The following CBLC variants were observed in gnomAD, a reference collection of about 807,000 sequenced individuals.
CBLC encodes the protein Cbl proto-oncogene C.
A neutral mutation model predicts 58.6 loss-of-function variants in CBLC; 46 were observed. That is an observed-to-expected ratio of 0.79 (90% CI 0.62 to 1.00). The LOEUF (loss-of-function observed/expected upper bound fraction) is 1.00, where lower values mean the gene tolerates loss of function less well. Ranked by LOEUF, CBLC falls within the 50% of genes least tolerant of loss-of-function variation. CBLC has a pLI of 0.00. For missense variants in CBLC, 655 were observed against 625.8 expected (o/e 1.05, Z -0.50); for synonymous variants, 271 against 264.2 (o/e 1.03, Z -0.25).
At chr19:44,785,181 T>C (rs1967866325) in intron 5 of CBLC, among the ~76,000 whole-genome samples, 1 of 151,310 alleles carries the variant, frequency 6.6e-6, no homozygotes, top group African/African-American at 2.4e-5. Context: ...TTCACCATGT[T>C]GGTCAGGCTG....
chr19:44,788,100 G>A (rs1035772484), intron 5 of CBLC, among the ~76,000 whole-genome samples: 11 of 151,512 alleles, frequency 7.3e-5, no homozygotes, highest in African/African-American at 2.7e-4. Context: ...CCTGGCCAGC[G>A]CTTCATGTTT....
At chr19:44,798,945 CTCTG>C in intron 9 of CBLC, among the ~76,000 whole-genome samples, 1 of 152,306 alleles carries the variant, frequency 6.6e-6, no homozygotes, top group East Asian at 1.9e-4. Context: ...CACTCGGAGC[CTCTG>C]TCTGGATCCT....
chr19:44,794,234 C>A lies in CBLC; in HGVS notation c.1315C>A (p.Arg439=), dbSNP rs374048625. 2 of 1,613,268 alleles carry A rather than the reference C, an allele frequency of 1.2e-6. No homozygotes were observed. The highest frequency in any genetic ancestry group is 1.6e-4 in the Middle Eastern group (1 of 6,062). The change falls in exon 9 of 11, where the codon CGG becomes AGG. Residue 439 remains arginine (R), a synonymous_variant. Coordinates refer to ENST00000647358, the MANE Select transcript of CBLC (RefSeq NM_012116.4). The part of the protein sequence containing the change: ...VPLSAPPLPP[R]PDLPPRKPRN... ...CCTTTCGGCTCCTCCATTGCCCCCA[C>A]GGCCAGATCTGCCCCCCAGGAAGCC...
chr19:44,787,240 A>G (rs1011573016), intron 5 of CBLC, among the ~76,000 whole-genome samples: 1 of 151,520 alleles, frequency 6.6e-6, no homozygotes, highest in African/African-American at 2.4e-5. Context: ...GAAAATAACA[A>G]AAAATTAGCT....
rs778923243 is a variant in CBLC, at chr19:44,778,143, G to A, written c.212G>A (p.Gly71Glu). ...CGGGCGGCCGGCGGAGGCGGCCCCG[G>A]GGGTCCCGGCGGCTCTGGGGACTTT... ...SRRAAGGGGP[G>E]GPGGSGDFLL... The change falls in exon 1 of 11, where the codon GGG becomes GAG. Residue 71 changes from glycine (G) to glutamate (E), a missense_variant. By Grantham distance (98) the Gly-to-Glu change is moderately conservative. This residue lies in a region of CBLC where 280 missense variants were observed against 237.2 expected (regional missense o/e 1.18). Coordinates refer to ENST00000647358, the MANE Select transcript of CBLC (RefSeq NM_012116.4). 6.9e-6 allele frequency: 11 copies of A among 1,590,234 alleles called. No individual in the cohort carries two copies. Among genetic ancestry groups the A allele is most frequent in the Non-Finnish European group, 9.4e-6 (11 of 1,171,934 alleles).
intron 9 of CBLC, among the ~76,000 whole-genome samples, chr19:44,796,209 C>A (rs939855764): frequency 9.2e-5 from 14 of 151,884 alleles, no homozygotes; most frequent in Admixed American, 6.6e-5. Flanking sequence ...AGGGTGAGAC[C>A]CTGTCTCAAA....
chr19:44,786,489 G>A (rs1342297192), intron 5 of CBLC, among the ~76,000 whole-genome samples: 3 of 151,220 alleles, frequency 2.0e-5, no homozygotes, highest in Non-Finnish European at 4.4e-5. Flanking sequence ...CAGCTACTCA[G>A]GAGGCTGAGG....
chr19:44,786,346 C>G (rs1335013017), intron 5 of CBLC, among the ~76,000 whole-genome samples: 1 of 152,012 alleles, frequency 6.6e-6, no homozygotes, highest in Admixed American at 6.6e-5. Context: ...AATCCCAGCA[C>G]TTTGGAACAC....
chr19:44,800,493 T>C, intron 10 of CBLC, 43 bp downstream of exon 10: 1 of 1,208,822 alleles, frequency 8.3e-7, no homozygotes, highest in Non-Finnish European at 1.2e-6. Flanking sequence ...TCCACCCCAC[T>C]CCACCCTCCT....
In CBLC at chr19:44,794,123, T is replaced by C. The variant is rs978795723; in HGVS notation, c.1285-81T>C. 75 of 1,537,732 alleles carry C rather than the reference T, an allele frequency of 4.9e-5. No individual in the cohort carries two copies. The African/African-American group carries it at 8.8e-4, about 18-fold the overall frequency. ...TGAGTCTAGAACAGTGCCTGAATGC[T>C]GAGTCCCAGGCAGGAGAACATGGAG... On this transcript the variant is annotated intron_variant, in intron 8 of 10. Coordinates refer to ENST00000647358, the MANE Select transcript of CBLC (RefSeq NM_012116.4).
chr19:44,795,634 TA>T (rs113434151), intron 9 of CBLC, among the ~76,000 whole-genome samples: 64 of 144,418 alleles, frequency 4.4e-4, no homozygotes, highest in East Asian at 8.0e-4. Context: ...CCCCGTTCTC[TA>T]AAAAAAAAAA....
intron 1 of CBLC, 79 bp downstream of exon 1, chr19:44,778,363 G>GGGTCC (rs1967630380): frequency 7.7e-7 from 1 of 1,305,806 alleles, no homozygotes; most frequent in Non-Finnish European, 9.8e-7. Flanking sequence ...CCAGACCCAG[G>GGGTCC]AACTTAGGCC....
rs1967626540 is a variant in CBLC, at chr19:44,778,287, G to A, written c.353+3G>A. 7.0e-7 allele frequency: 1 copy of A among 1,431,514 alleles called. No individual in the cohort carries two copies. The highest frequency in any genetic ancestry group is 9.1e-7 in the Non-Finnish European group (1 of 1,095,914). The allele number at this position is 1,431,514 out of a possible 1,614,324, so 88.7% of individuals were successfully genotyped here. A position where few individuals can be genotyped will look rare whatever the true frequency, so the allele number is the denominator to read the frequency against. On this transcript the variant is annotated splice_donor_region_variant and intron_variant, in intron 1 of 10. Transcript: ENST00000647358. ...TTCCGGGCGGGCTCCAGACTCAGGT[G>A]AGCCTTCGCCCCAGAACAAAGTCCT...
At chr19:44,790,263 G>C (rs986892051) in intron 6 of CBLC, among the ~76,000 whole-genome samples, 172 bp downstream of exon 6, 4 of 151,994 alleles carry the variant, frequency 2.6e-5, no homozygotes, top group Non-Finnish European at 5.9e-5. Context: ...GGCTCCTCCT[G>C]CCTCTTTCCC....
At chr19:44,800,295 C>G in intron 9 of CBLC, 86 bp from the exon 10 acceptor site, 2 of 982,616 alleles carry the variant, frequency 2.0e-6, no homozygotes, top group Non-Finnish European at 3.3e-6. Flanking sequence ...ACTCCCAGGT[C>G]TAAGACAAAG....
At chr19:44,796,315 G>T (rs1968176839) in intron 9 of CBLC, among the ~76,000 whole-genome samples, 1 of 152,206 alleles carries the variant, frequency 6.6e-6, no homozygotes, top group South Asian at 2.1e-4. Flanking sequence ...CAGCCTGAAA[G>T]AGGAGAAGTC....
chr19:44,799,260 C>T (rs530781859), intron 9 of CBLC, among the ~76,000 whole-genome samples: 1 of 152,160 alleles, frequency 6.6e-6, no homozygotes, highest in South Asian at 2.1e-4. Flanking sequence ...TGGTTTAAGC[C>T]CAGGAGGTCA....
intron 7 of CBLC, 36 bp from the exon 8 acceptor site, chr19:44,793,438 G>C: frequency 4.5e-6 from 7 of 1,566,846 alleles, no homozygotes; most frequent in Non-Finnish European, 6.0e-6. Context: ...TGGAGAGCAG[G>C]GGAGCACTGA....
intron 1 of CBLC, 50 bp downstream of exon 1, chr19:44,778,334 G>A: frequency 7.4e-7 from 1 of 1,357,004 alleles, no homozygotes; most frequent in Non-Finnish European, 9.4e-7. Context: ...CCCAGGTCTT[G>A]CTCCCAGCCC....
Sources: allele counts gnomAD v4.1 joint callset (sites outside exome capture counted in the v4.1 genomes callset), GRCh38; gene constraint gnomAD v4.1.1; regional missense constraint gnomAD v4.1.1; transcripts MANE v1.5; gene names NCBI Gene and HGNC (gene_info 2026-07-23, HGNC 2026-07-21).